The following CDH12 variants were observed in gnomAD, a reference collection of about 807,000 sequenced individuals.
CDH12 encodes the protein cadherin-12.
Under a neutral mutation model 74.1 loss-of-function variants are expected in CDH12, and 41 were observed. That is an observed-to-expected ratio of 0.55 (90% confidence interval 0.43 to 0.72). CDH12 has a LOEUF of 0.72. CDH12 is among the 30% of genes least tolerant of loss of function. The pLI is 0.00. For synonymous variants in CDH12, 399 were observed against 355.0 expected (o/e 1.12, Z -1.39); for missense variants, 945 against 977.2 (o/e 0.97, Z 0.44).
At chr5:22,314,941 CTTTTTTTTTTTTTT>C (rs759734847) in intron 3 of CDH12, among the ~76,000 whole-genome samples, 3 of 67,768 alleles carry the variant, frequency 4.4e-5, no homozygotes, top group Non-Finnish European at 7.5e-5. Context: ...CTGGGTTGGT[CTTTTTTTTTTTTTT>C]TTTTTTTTTT....
rs149253798 is a variant in CDH12, at chr5:22,439,135, C to T, written c.-427-33784G>A. Among the ~76,000 whole-genome samples, 849 of 151,820 alleles carry T rather than the reference C, an allele frequency of 5.6e-3. 8 individuals carry two copies. The highest frequency in any genetic ancestry group is 0.019 in the African/African-American group (808 of 41,480). On this transcript the variant is annotated intron_variant, in intron 2 of 14. Coordinates refer to ENST00000382254, the MANE Select transcript of CDH12 (RefSeq NM_004061.5). Reference sequence around the variant, plus strand: ...AATAATACAAAACTTGCATTATGACCTCCATTATTAATTTGGGATATGAAA... The same window carrying T: ...AATAATACAAAACTTGCATTATGACTTCCATTATTAATTTGGGATATGAAA...
intron 6 of CDH12, among the ~76,000 whole-genome samples, chr5:21,951,374 C>A (rs147573092): frequency 0.019 from 2,933 of 152,192 alleles, 101 homozygotes; most frequent in African/African-American, 0.068. Flanking sequence ...AGGCACGTGC[C>A]ACCACATACG....
intron 3 of CDH12, among the ~76,000 whole-genome samples, chr5:22,397,411 A>C (rs1384877913): frequency 6.6e-6 from 1 of 151,504 alleles, no homozygotes; most frequent in Non-Finnish European, 1.5e-5. Flanking sequence ...TTTTAATTGG[A>C]GGTCATTGCA....
At chr5:22,849,717 T>G (rs1737463286) in intron 1 of CDH12, among the ~76,000 whole-genome samples, 1 of 152,116 alleles carries the variant, frequency 6.6e-6, no homozygotes, top group African/African-American at 2.4e-5. Context: ...CACTAGAACC[T>G]TCACAGATAT....
rs766076956 is a variant in CDH12 at position 21,802,215 on chromosome 5, A to G, written c.1208T>C (p.Ile403Thr). 1 of 1,613,926 alleles carries G rather than the reference A, an allele frequency of 6.2e-7. No individual in the cohort carries two copies. Among genetic ancestry groups the G allele is most frequent in the Non-Finnish European group, 8.5e-7 (1 of 1,179,924 alleles). Residue 403 changes from isoleucine (I) to threonine (T), a missense_variant, in exon 10 of 15, where the codon ATT (isoleucine) becomes ACT (threonine). Ile to Thr is a moderately conservative substitution (Grantham distance 89). Coordinates refer to ENST00000382254, the MANE Select transcript of CDH12 (RefSeq NM_004061.5). Reference protein sequence around the residue: ...VYEDTPVGTIIGAVTAQDLDV... With the variant: ...VYEDTPVGTITGAVTAQDLDV... ...CAGGTCTTGAGCAGTGACAGCGCCA[A>G]TGATGGTCCCTACCGGAGTGTCTTC... is the stretch of plus-strand genomic sequence containing the variant.
intron 3 of CDH12, among the ~76,000 whole-genome samples, chr5:22,361,276 T>C (rs1345257827): frequency 6.6e-6 from 1 of 152,100 alleles, no homozygotes; most frequent in African/African-American, 2.4e-5. Flanking sequence ...AGCATTCTTA[T>C]ACACTAATAA....
At chr5:22,426,645 T>C (rs1290794181) in intron 2 of CDH12, among the ~76,000 whole-genome samples, 3 of 152,158 alleles carry the variant, frequency 2.0e-5, no homozygotes, top group African/African-American at 7.2e-5. Context: ...ATGGATTTAT[T>C]TAATTTGCTG....
chr5:22,117,469 ATATATATAT>A (rs1336856645), intron 4 of CDH12, among the ~76,000 whole-genome samples: 16 of 69,666 alleles, frequency 2.3e-4, no homozygotes, highest in African/African-American at 7.6e-4. Context: ...TATATATATA[ATATATATAT>A]TATATATATA....
Position 22,706,452 on chromosome 5 carries a change from G to A in CDH12, c.-523+146606C>T, listed in dbSNP as rs1485742011. Among the ~76,000 whole-genome samples the A allele has an allele frequency of 2.0e-5, 3 of 151,702 alleles. No homozygotes were observed. The East Asian group carries it at 5.8e-4, about 29-fold the overall frequency. On this transcript the variant is annotated intron_variant, in intron 1 of 14. Transcript: ENST00000382254. ...AATCATGTATCACAGATTTTACCTT[G>A]ATAAATAATATGAATGTTTTGGTAT... is the stretch of plus-strand genomic sequence containing the variant.
At chr5:22,602,537 C>T (rs926324033) in intron 1 of CDH12, among the ~76,000 whole-genome samples, 3 of 151,968 alleles carry the variant, frequency 2.0e-5, no homozygotes, top group African/African-American at 7.2e-5. Context: ...ATAATCAAGC[C>T]TCGTATAGAA....
chr5:22,122,296 G>C (rs563318110), intron 4 of CDH12, among the ~76,000 whole-genome samples: 8 of 152,076 alleles, frequency 5.3e-5, no homozygotes, highest in Non-Finnish European at 1.2e-4. Flanking sequence ...CCAGCTACTT[G>C]GGAGGCTGAA....
chr5:22,044,213 C>CA (rs547155852), intron 5 of CDH12, among the ~76,000 whole-genome samples: 113 of 152,098 alleles, frequency 7.4e-4, no homozygotes, highest in Non-Finnish European at 1.3e-3. Context: ...ATGGTACTGG[C>CA]AAAAAACAAA....
intron 3 of CDH12, among the ~76,000 whole-genome samples, chr5:22,244,740 A>AAAAGAAAGAAAGAAAGAAAGAAAG (rs200900772): frequency 3.2e-5 from 3 of 92,570 alleles, no homozygotes; most frequent in African/African-American, 3.4e-5. Context: ...AGAAAGAAAG[A>AAAAGAAAGAAAGAAAGAAAGAAAG]AAAGAAAGAA....
chr5:22,691,785 T>C (rs1346501999), intron 1 of CDH12, among the ~76,000 whole-genome samples: 1 of 152,166 alleles, frequency 6.6e-6, no homozygotes, highest in Non-Finnish European at 1.5e-5. Flanking sequence ...TGTCACCCTT[T>C]TCTTAAAATC....
intron 3 of CDH12, among the ~76,000 whole-genome samples, chr5:22,271,287 G>A (rs34702152): frequency 0.33 from 50,895 of 151,996 alleles, 9,088 homozygotes; most frequent in East Asian, 0.49. Flanking sequence ...TCATCCGTTG[G>A]AAGCAATTCC....
intron 1 of CDH12, among the ~76,000 whole-genome samples, chr5:22,719,888 G>A (rs1352470072): frequency 2.0e-5 from 3 of 152,130 alleles, no homozygotes; most frequent in African/African-American, 4.8e-5. Context: ...CCAGAAGCGA[G>A]CAGGAAAGGG....
intron 3 of CDH12, among the ~76,000 whole-genome samples, chr5:22,374,939 C>G (rs969244124): frequency 2.0e-5 from 3 of 151,466 alleles, no homozygotes; most frequent in East Asian, 3.9e-4. Context: ...TCATTTTTCA[C>G]AGAATTAAAA....
intron 3 of CDH12, among the ~76,000 whole-genome samples, chr5:22,285,381 T>G (rs1212321632): frequency 6.6e-6 from 1 of 152,188 alleles, no homozygotes; most frequent in Non-Finnish European, 1.5e-5. Flanking sequence ...TTTATGTATA[T>G]GAGTGTCTAG....
chr5:22,149,556 A>G (rs748605655), intron 4 of CDH12, among the ~76,000 whole-genome samples: 1 of 152,206 alleles, frequency 6.6e-6, no homozygotes, highest in African/African-American at 2.4e-5. Flanking sequence ...GATTAGTTCT[A>G]TTCTGTTTCT....
Sources: gnomAD v4.1 joint callset for allele counts (sites outside exome capture counted in the v4.1 genomes callset) on GRCh38, gnomAD v4.1.1 for gene constraint, MANE v1.5 for transcripts, NCBI Gene and HGNC (gene_info 2026-07-23, HGNC 2026-07-21) for gene names.